The following PAK1IP1 variants were observed in gnomAD, a reference collection of about 807,000 sequenced individuals.
PAK1IP1 encodes PAK1 interacting protein 1, also known as p21-activated protein kinase-interacting protein 1.
PAK1IP1 carries 24 observed loss-of-function variants against 42.0 expected under a neutral mutation model. The ratio of observed to expected loss-of-function variants is 0.57; its 90% confidence interval spans 0.41 to 0.80. The LOEUF (loss-of-function observed/expected upper bound fraction) is 0.80, where lower values mean the gene tolerates loss of function less well. PAK1IP1 is among the 30% of genes least tolerant of loss of function. The pLI, the probability that PAK1IP1 is intolerant of heterozygous loss-of-function variation, is 0.00. For missense variants in PAK1IP1, 411 were observed against 467.9 expected, an observed-to-expected ratio of 0.88 and a Z score of 1.12; for synonymous variants, 154 against 156.7, an observed-to-expected ratio of 0.98 and a Z score of 0.13.
intron 9 of PAK1IP1, 25 bp downstream of exon 9, chr6:10,709,101 A>G (rs938136454): frequency 1.2e-6 from 2 of 1,600,074 alleles, no homozygotes; most frequent in African/African-American, 2.7e-5. Flanking sequence ...TTGTTTTGAA[A>G]TTTTGAATAA....
intron 2 of PAK1IP1, among the ~76,000 whole-genome samples, chr6:10,701,202 G>A (rs1294781850): frequency 6.6e-6 from 1 of 152,128 alleles, no homozygotes; most frequent in African/African-American, 2.4e-5. Context: ...TCAGCCTCCT[G>A]AGTAGCTGGG....
chr6:10,703,524 C>T lies in PAK1IP1; in HGVS notation c.496+67C>T, dbSNP rs946330044. ...CTGGAAATCTGAAATGCTCCAAAAT[C>T]TGAAACTTTTTGAGCACTGATGTGG... On this transcript the variant is annotated intron_variant, in intron 5 of 9. Transcript: ENST00000379568. 1.4e-5 allele frequency: 17 copies of T among 1,236,922 alleles called. No homozygotes were observed. In the African/African-American group the frequency reaches 2.4e-4, roughly 17 times the overall value. 76.6% of individuals were successfully genotyped at this position (1,236,922 alleles called of 1,614,324 possible). A position where few individuals can be genotyped will look rare whatever the true frequency, so the allele number is the denominator to read the frequency against.
intron 8 of PAK1IP1, 37 bp from the exon 9 acceptor site, chr6:10,708,915 GA>G: frequency 6.6e-7 from 1 of 1,521,328 alleles, no homozygotes. Flanking sequence ...AGAAATTATT[GA>G]AAATGCACAT....
chr6:10,698,622 G>C (rs1275158688), intron 2 of PAK1IP1, among the ~76,000 whole-genome samples: 2 of 152,184 alleles, frequency 1.3e-5, no homozygotes, highest in Non-Finnish European at 2.9e-5. Context: ...GAGCAAGCTA[G>C]CAAATGAATG....
At chr6:10,699,368 C>T (rs1301407889) in intron 2 of PAK1IP1, among the ~76,000 whole-genome samples, 4 of 152,050 alleles carry the variant, frequency 2.6e-5, no homozygotes, top group Admixed American at 6.6e-5. Flanking sequence ...GTCAAGAGTT[C>T]TAACGTGGAA....
chr6:10,704,855 C>T lies in PAK1IP1; in HGVS notation c.740+11C>T, dbSNP rs748546509. 6.6e-7 allele frequency: 1 copy of T among 1,517,274 alleles called. No homozygotes were observed. Among genetic ancestry groups the T allele is most frequent in the African/African-American group, 1.4e-5 (1 of 72,992 alleles). The allele number at this position is 1,517,274 out of a possible 1,614,324, so 94.0% of individuals were successfully genotyped here. On this transcript the variant is annotated intron_variant, in intron 7 of 9. Transcript: ENST00000379568. Reference sequence around the variant, plus strand: ...AGCTCATGAAAACAGGTATTTTTACCAATCTTTGGTGTATATGTCTAGTCT... The same window carrying T: ...AGCTCATGAAAACAGGTATTTTTACTAATCTTTGGTGTATATGTCTAGTCT...
upstream of PAK1IP1, chr6:10,694,600 G>GA: frequency 1.2e-5 from 2 of 173,900 alleles, no homozygotes; most frequent in South Asian, 2.3e-4. Flanking sequence ...CAGCCCCTAA[G>GA]CAACCGGCCG....
chr6:10,705,897 C>T (rs1241316283), intron 7 of PAK1IP1, among the ~76,000 whole-genome samples: 1 of 152,174 alleles, frequency 6.6e-6, no homozygotes, highest in Non-Finnish European at 1.5e-5. Context: ...CCTTACTCTT[C>T]TCCTATATTG....
upstream of PAK1IP1, among the ~76,000 whole-genome samples, chr6:10,691,833 G>T (rs1442370990): frequency 1.3e-5 from 2 of 151,850 alleles, no homozygotes; most frequent in African/African-American, 4.8e-5. Context: ...TAAGTTTTGG[G>T]GTTTTTTTTT....
chr6:10,693,590 G>A (rs1451177290), upstream of PAK1IP1, among the ~76,000 whole-genome samples: 2 of 152,194 alleles, frequency 1.3e-5, no homozygotes, highest in Non-Finnish European at 2.9e-5. Context: ...GATTTGAGAA[G>A]GATGGACTAT....
chr6:10,691,697 C>T (rs1769325266), upstream of PAK1IP1, among the ~76,000 whole-genome samples: 1 of 152,130 alleles, frequency 6.6e-6, no homozygotes, highest in Non-Finnish European at 1.5e-5. Flanking sequence ...TGTATATCCA[C>T]ATATTTGCAT....
intron 7 of PAK1IP1, among the ~76,000 whole-genome samples, chr6:10,706,882 G>C (rs1026864472): frequency 1.3e-5 from 2 of 149,198 alleles, no homozygotes; most frequent in African/African-American, 2.5e-5. Flanking sequence ...ATAGAGCAAG[G>C]CTCCATCTCA....
At position 10,709,070 on chromosome 6, in the gene PAK1IP1, TCTC is replaced by T. The variant is rs1445658860; in HGVS notation, c.961_963del (p.Pro321del). On this transcript the variant is annotated inframe_deletion, in exon 9 of 10. Transcript: ENST00000379568. ...AAGCCTTCCTCCAGCTGCAGAGCCT[TCTC>T]CTGGTAATCGAATTTGATTGTTTTG... 2.2e-5 allele frequency: 36 copies of T among 1,611,786 alleles called. No homozygotes were observed. The Admixed American group carries it at 4.2e-4, about 19-fold the overall frequency.
Position 10,709,352 on chromosome 6 carries a change from A to G in PAK1IP1, c.1079A>G (p.Lys360Arg). The G allele has an allele frequency of 6.2e-7, 1 of 1,614,020 alleles. No homozygotes were observed. The highest frequency in any genetic ancestry group is 1.3e-5 in the African/African-American group (1 of 75,048). Residue 360 changes from lysine to arginine, a missense_variant, in exon 10 of 10, where the codon AAA becomes AGA. By Grantham distance (26) the Lys-to-Arg change is conservative (BLOSUM62 2). Coordinates refer to ENST00000379568, the MANE Select transcript of PAK1IP1 (RefSeq NM_017906.3). ...KKRGLTGDSK[K>R]ATKESGLIST... The stretch of plus-strand genomic sequence containing the variant: ...CGCGGTTTAACAGGTGACAGTAAGA[A>G]AGCAACAAAAGAAAGTGGCCTGATA...
chr6:10,694,386 G>C (rs951227718), upstream of PAK1IP1: 3 of 153,194 alleles, frequency 2.0e-5, no homozygotes, highest in Non-Finnish European at 4.4e-5. Flanking sequence ...GTTCTGGCCC[G>C]GGCAGACGGG....
chr6:10,700,914 G>C (rs1369333678), intron 2 of PAK1IP1, among the ~76,000 whole-genome samples: 1 of 152,022 alleles, frequency 6.6e-6, no homozygotes, highest in Non-Finnish European at 1.5e-5. Flanking sequence ...TTGCTTTACA[G>C]ATCATCCCAT....
intron 7 of PAK1IP1, among the ~76,000 whole-genome samples, chr6:10,705,152 G>A (rs1006091313): frequency 9.9e-5 from 15 of 151,938 alleles, no homozygotes; most frequent in Non-Finnish European, 1.5e-4. Flanking sequence ...GTGAAACCCC[G>A]TCTCTACTAA....
At chr6:10,697,209 A>G (rs1332274939) in intron 1 of PAK1IP1, 115 bp from the exon 2 acceptor site, 1 of 838,512 alleles carries the variant, frequency 1.2e-6, no homozygotes, top group Non-Finnish European at 1.9e-6. Context: ...TCGTGGAATG[A>G]TTTATCTTTT....
chr6:10,706,825 G>A (rs1017093768), intron 7 of PAK1IP1, among the ~76,000 whole-genome samples: 1 of 151,636 alleles, frequency 6.6e-6, no homozygotes, highest in African/African-American at 2.4e-5. Context: ...GGAGGTTGTG[G>A]TTAGCTGAGA....
Sources: allele counts gnomAD v4.1 joint callset (sites outside exome capture counted in the v4.1 genomes callset), GRCh38; gene constraint gnomAD v4.1.1; transcripts MANE v1.5; gene names NCBI Gene and HGNC (gene_info 2026-07-23, HGNC 2026-07-21).